ANKHD1: variants seen among roughly 807,000 people sequenced by gnomAD.
The protein encoded by ANKHD1 is ankyrin repeat and KH domain containing 1.
ANKHD1 carries 31 observed loss-of-function variants against 230.5 expected under a neutral mutation model. The observed-to-expected ratio is 0.13, with a 90% confidence interval of 0.10 to 0.18. ANKHD1 has a LOEUF of 0.18. Among genes scored for constraint, ANKHD1 ranks in the 10% least tolerant of loss-of-function variants. The probability of loss-of-function intolerance (pLI) is 1.00; values close to 1 mark genes in which losing one functional copy is unlikely to be tolerated. For synonymous variants in ANKHD1, 1,074 were observed against 1,117.6 expected (o/e 0.96, Z 0.78); for missense variants, 2,256 against 3,071.3 (o/e 0.73, Z 6.27).
At chr5:140,458,990 A>G (rs1261629131) in intron 8 of ANKHD1, 128 bp downstream of exon 8, 32 of 18,460 alleles carry the variant, frequency 1.7e-3, no homozygotes, top group South Asian at 7.7e-3. Context: ...GCATATATAT[A>G]TATATGCATA....
At chr5:140,524,954 T>C in intron 25 of ANKHD1, 1 of 350,386 alleles carries the variant, frequency 2.9e-6, no homozygotes, top group Non-Finnish European at 5.7e-6. Flanking sequence ...AAAAAAAAAT[T>C]ACAAAATTAG....
At chr5:140,448,893 T>G (rs1774489532) in intron 6 of ANKHD1, among the ~76,000 whole-genome samples, 1 of 152,238 alleles carries the variant, frequency 6.6e-6, no homozygotes, top group African/African-American at 2.4e-5. Context: ...TTTACTTGGC[T>G]TTCTATTTGA....
chr5:140,452,625 C>T (rs1774840276), intron 7 of ANKHD1, among the ~76,000 whole-genome samples: 1 of 152,146 alleles, frequency 6.6e-6, no homozygotes. Flanking sequence ...AGTGGACCTC[C>T]AGAAAACTCC....
intron 32 of ANKHD1, 112 bp downstream of exon 32, chr5:140,538,373 T>C: frequency 6.6e-7 from 1 of 1,506,234 alleles, no homozygotes; most frequent in Non-Finnish European, 8.9e-7. Context: ...GTGGCTTTGC[T>C]AGATCTTTTG....
At position 140,409,547 on chromosome 5, in the gene ANKHD1, C is replaced by T. The variant is rs1418481104; in HGVS notation, c.306+7274C>T. ...AAAGAATTATATGTTATTACTGTAA[C>T]AATTTTTTTTTTTTTTTTTTGAGTC... On this transcript the variant is annotated intron_variant, in intron 1 of 33. Transcript: ENST00000360839. Among the ~76,000 whole-genome samples, 5 of 109,354 alleles carry T rather than the reference C, an allele frequency of 4.6e-5. No homozygotes were observed. The East Asian group carries it at 9.5e-4, about 21-fold the overall frequency. 71.7% of individuals were successfully genotyped at this position (109,354 alleles called of 152,430 possible).
intron 7 of ANKHD1, among the ~76,000 whole-genome samples, chr5:140,451,257 C>T (rs1264659586): frequency 6.6e-6 from 1 of 152,134 alleles, no homozygotes; most frequent in Non-Finnish European, 1.5e-5. Flanking sequence ...AATAGCAGTT[C>T]CTTGATCTGT....
intron 1 of ANKHD1, among the ~76,000 whole-genome samples, chr5:140,424,152 A>G (rs1772207050): frequency 6.6e-6 from 1 of 152,124 alleles, no homozygotes; most frequent in African/African-American, 2.4e-5. Flanking sequence ...AAGCTCTTAT[A>G]TACCCTGGTA....
chr5:140,407,251 C>T (rs1400810682), intron 1 of ANKHD1, among the ~76,000 whole-genome samples: 2 of 139,584 alleles, frequency 1.4e-5, no homozygotes, highest in African/African-American at 2.7e-5. Context: ...GCTGAGATCG[C>T]GTCACTGCAC....
chr5:140,405,734 G>A (rs1581194615), intron 1 of ANKHD1, among the ~76,000 whole-genome samples: 1 of 152,108 alleles, frequency 6.6e-6, no homozygotes, highest in South Asian at 2.1e-4. Context: ...CTGGGTTCAA[G>A]CGATTCTTCT....
Position 140,485,161 on chromosome 5 carries a change from A to T in ANKHD1, c.1911A>T (p.Thr637=). The change falls in exon 12 of 34, where the codon ACA becomes ACT. Residue 637 remains threonine (T), a synonymous_variant. Transcript: ENST00000360839. This position sits in a 1 kb window ranked among gnomAD's most constrained non-coding sequence, Gnocchi z 4.8. ...GGGCTACAGCCAATAATGATCATAC[A>T]GTAGTGTCGCTGGCATGTGCAGGAG... The part of the protein sequence containing the change: ...VNRATANNDH[T]VVSLACAGGH... 1 of 1,614,004 alleles carries T rather than the reference A, an allele frequency of 6.2e-7. No homozygotes were observed. The highest frequency in any genetic ancestry group is 8.5e-7 in the Non-Finnish European group (1 of 1,179,904).
chr5:140,468,213 TACAGGTATGTGCTA>T (rs1369672024), intron 10 of ANKHD1, among the ~76,000 whole-genome samples: 16 of 149,058 alleles, frequency 1.1e-4, no homozygotes, highest in African/African-American at 4.0e-4. Flanking sequence ...TAGCTAGAAT[TACAGGTATGTGCTA>T]AAATCCAGCC....
At chr5:140,426,440 T>A (rs1181402039) in intron 1 of ANKHD1, among the ~76,000 whole-genome samples, 2 of 152,184 alleles carry the variant, frequency 1.3e-5, no homozygotes, top group Admixed American at 1.3e-4. Flanking sequence ...GGGAGCTTTA[T>A]TTTTGAAGGT....
chr5:140,438,059 A>G (rs1176587577), intron 2 of ANKHD1, among the ~76,000 whole-genome samples: 1 of 152,232 alleles, frequency 6.6e-6, no homozygotes, highest in Non-Finnish European at 1.5e-5. Context: ...ATTGTTTGTT[A>G]CAGTATTACA....
intron 31 of ANKHD1, 130 bp downstream of exon 31, chr5:140,537,719 G>A: frequency 7.3e-7 from 1 of 1,364,188 alleles, no homozygotes; most frequent in Non-Finnish European, 9.6e-7. Context: ...AATTAGGGAA[G>A]GGTGTTTATA....
In ANKHD1 at chr5:140,413,110, A is replaced by C. The variant is rs62385189; in HGVS notation, c.306+10837A>C. On this transcript the variant is annotated intron_variant, in intron 1 of 33. Coordinates refer to ENST00000360839, the MANE Select transcript of ANKHD1 (RefSeq NM_017747.3). ...AAGTATATCCCTAGAGGTTACCCCT[A>C]AGAACCAACTAAGAACCAAAGAGTT... Among the ~76,000 whole-genome samples, 677 of 152,346 alleles carry C rather than the reference A, an allele frequency of 4.4e-3. 3 individuals carry two copies. The highest frequency in any genetic ancestry group is 4.8e-3 in the Non-Finnish European group (327 of 68,022).
At chr5:140,440,767 C>G (rs1247968475) in intron 4 of ANKHD1, among the ~76,000 whole-genome samples, 1 of 152,056 alleles carries the variant, frequency 6.6e-6, no homozygotes, top group African/African-American at 2.4e-5. Context: ...AATAGGATGG[C>G]TAATATGATT....
In ANKHD1 at chr5:140,512,922, A is replaced by C. The variant is rs985022983; in HGVS notation, c.4199A>C (p.Lys1400Thr). The change falls in exon 23 of 34, where the codon AAG becomes ACG. Residue 1400 changes from lysine (K) to threonine (T), a missense_variant and splice_region_variant. Physicochemically the swap from Lys to Thr is moderately conservative, Grantham distance 78. Transcript: ENST00000360839. ...AGATACATAGCAACAATTACAGATAAGGTAAGTTTAATATGCTACTGAAGC... is the reference window on the plus strand; with the variant it reads ...AGATACATAGCAACAATTACAGATACGGTAAGTTTAATATGCTACTGAAGC... ...CMRYIATITD[K>T]ELLKKCHQCV... is the part of the protein sequence containing the mutation. The C allele has an allele frequency of 8.8e-6, 14 of 1,592,586 alleles. No homozygotes were observed. Among genetic ancestry groups the C allele is most frequent in the Non-Finnish European group, 1.2e-5 (14 of 1,172,996 alleles).
intron 3 of ANKHD1, among the ~76,000 whole-genome samples, chr5:140,439,334 C>T (rs961052771): frequency 2.0e-5 from 3 of 151,994 alleles, no homozygotes; most frequent in Admixed American, 6.6e-5. Context: ...GTTCCCTGGT[C>T]TACATTGGAA....
At position 140,525,834 on chromosome 5, in the gene ANKHD1, TA is replaced by T. The variant is rs113364890; in HGVS notation, c.4493-146del. On this transcript the variant is annotated intron_variant, in intron 25 of 33. Coordinates refer to ENST00000360839, the MANE Select transcript of ANKHD1 (RefSeq NM_017747.3). ...CTAGGCGACAGAGCAAGACTCCATC[TA>T]AAAAAAAAAAAAAAAGATTTCTTTA... Among the ~76,000 whole-genome samples, 874 of 126,512 alleles carry T rather than the reference TA, an allele frequency of 6.9e-3. 1 individual carries two copies. The highest frequency in any genetic ancestry group is 9.2e-3 in the Admixed American group (113 of 12,282). The allele number at this position is 126,512 out of a possible 152,430, so 83.0% of individuals were successfully genotyped here.
Sources: gnomAD v4.1 joint callset for allele counts (sites outside exome capture counted in the v4.1 genomes callset) on GRCh38, gnomAD v4.1.1 for gene constraint, Gnocchi (gnomAD v3.1) non-coding constraint, MANE v1.5 for transcripts, NCBI Gene and HGNC (gene_info 2026-07-23, HGNC 2026-07-21) for gene names.